Variants in RPL18A observed in about 807,000 individuals in gnomAD.
RPL18A encodes the protein ribosomal protein L18a.
For missense variants in RPL18A, 163 were observed against 254.1 expected, an observed-to-expected ratio of 0.64 and a Z score of 2.44; for synonymous variants, 122 against 96.9, an observed-to-expected ratio of 1.26 and a Z score of -1.52.
chr19:17,862,728 C>G, intron 3 of RPL18A, 190 bp from the exon 4 acceptor site: 1 of 763,038 alleles, frequency 1.3e-6, no homozygotes, highest in East Asian at 2.4e-5. Context: ...ACTCTAGTGG[C>G]CAGTGACTGC....
rs756966956 is a variant in RPL18A, at chr19:17,861,278, C to T, written c.19-15C>T. The T allele has an allele frequency of 6.2e-7, 1 of 1,613,458 alleles. No homozygotes were observed. Among genetic ancestry groups the T allele is most frequent in the African/African-American group, 1.3e-5 (1 of 75,042 alleles). On this transcript the variant is annotated splice_polypyrimidine_tract_variant and intron_variant, in intron 1 of 4. Transcript: ENST00000222247. ...TCTGGGTGCTGGCCTTACCCTCACT[C>T]CTGTTTCCTTTCAGCTACGAGAGTA...
intron 3 of RPL18A, 136 bp downstream of exon 3, chr19:17,862,359 C>G: frequency 9.2e-7 from 1 of 1,085,462 alleles, no homozygotes; most frequent in Non-Finnish European, 1.3e-6. Context: ...AAAAGGATGC[C>G]CCAGGCCCCA....
intron 2 of RPL18A, 160 bp downstream of exon 2, chr19:17,861,632 G>T: frequency 1.6e-6 from 1 of 640,160 alleles, no homozygotes; most frequent in South Asian, 2.0e-5. Context: ...TTTCTGCCTG[G>T]GTCACGGGAC....
At chr19:17,860,390 AC>A (rs2094275058) in intron 1 of RPL18A, 1 of 208,926 alleles carries the variant, frequency 4.8e-6, no homozygotes, top group Non-Finnish European at 9.6e-6. Flanking sequence ...GTGAGCCGAA[AC>A]GGGGAGCGTG....
rs1381602801 is a variant in RPL18A at position 17,861,498 on chromosome 19, G to T, written c.198+26G>T. 5.2e-6 allele frequency: 8 copies of T among 1,539,210 alleles called. No individual in the cohort carries two copies. The Admixed American group carries it at 7.7e-5, about 15-fold the overall frequency. On this transcript the variant is annotated intron_variant, in intron 2 of 4. Coordinates refer to ENST00000222247, the MANE Select transcript of RPL18A (RefSeq NM_000980.4). ...GTATGGAGAGGCCGGGGCTACGTGG[G>T]GTCTGGAGTGGATTTGCGCCTCTTG... is the stretch of plus-strand genomic sequence containing the variant.
At chr19:17,863,115 C>T in intron 4 of RPL18A, 56 bp from the exon 5 acceptor site, 1 of 1,545,742 alleles carries the variant, frequency 6.5e-7, no homozygotes, top group Non-Finnish European at 8.9e-7. Context: ...GGTGGCCCCA[C>T]AGGATGGGGT....
In RPL18A at chr19:17,859,918, C is replaced by G. The variant is rs747378736; in HGVS notation, c.-39C>G. 22 of 1,543,346 alleles carry G rather than the reference C, an allele frequency of 1.4e-5. 1 individual carries two copies. The South Asian group carries it at 2.6e-4, about 19-fold the overall frequency. ...GTGAACGGCTGCGCGACAGAGGACA[C>G]TTCCTTTTGCGGGTGGCGGCGAACG... On this transcript the variant is annotated 5_prime_UTR_variant, in exon 1 of 5. Transcript: ENST00000222247.
At chr19:17,862,787 TGAGCCCC>T in intron 3 of RPL18A, 124 bp from the exon 4 acceptor site, 1 of 767,242 alleles carries the variant, frequency 1.3e-6, no homozygotes, top group South Asian at 1.4e-5. Context: ...CACCTTCCCG[TGAGCCCC>T]GAGCCCTCAG....
chr19:17,863,002 G>C lies in RPL18A; in HGVS notation c.413G>C (p.Arg138Pro). Residue 138 changes from arginine (R) to proline (P), a missense_variant, in exon 4 of 5, where the codon CGC (arginine) becomes CCC (proline). Coordinates refer to ENST00000222247, the MANE Select transcript of RPL18A (RefSeq NM_000980.4). ...KVEEIAASKCRRPAVKQFHDS... is the reference protein window; with the variant it reads ...KVEEIAASKCPRPAVKQFHDS... ...GAGGAGATCGCGGCCAGCAAGTGCC[G>C]CCGGCCGGCTGTCAAGCAGTTCCAC... 1 of 1,611,760 alleles carries C rather than the reference G, an allele frequency of 6.2e-7. No homozygotes were observed. Among genetic ancestry groups the C allele is most frequent in the Non-Finnish European group, 8.5e-7 (1 of 1,178,908 alleles).
rs376844639 is a variant in RPL18A at position 17,861,485 on chromosome 19, C to T, written c.198+13C>T. On this transcript the variant is annotated intron_variant, in intron 2 of 4. Transcript: ENST00000222247. ...CTACTGTGGGCAGGTATGGAGAGGC[C>T]GGGGCTACGTGGGGTCTGGAGTGGA... 2.7e-5 allele frequency: 42 copies of T among 1,568,266 alleles called. No individual in the cohort carries two copies. The highest frequency in any genetic ancestry group is 2.2e-4 in the African/African-American group (16 of 74,098).
At chr19:17,861,740 C>G in intron 2 of RPL18A, 1 of 555,168 alleles carries the variant, frequency 1.8e-6, no homozygotes, top group East Asian at 3.1e-5. Context: ...TGCTGTCTTC[C>G]CTGGGCCCTG....
chr19:17,860,539 C>G (rs906378646), intron 1 of RPL18A, among the ~76,000 whole-genome samples: 2 of 152,212 alleles, frequency 1.3e-5, no homozygotes, highest in Non-Finnish European at 1.5e-5. Context: ...AAGGGGCGGG[C>G]CCCATTGTTC....
Position 17,862,923 on chromosome 19 carries a change from G to T in RPL18A, c.334G>T (p.Asp112Tyr). ...GGCCCCGCTCCTTTCCACAGACCGA[G>T]ACATGGGTGCCCGGCACCGCGCCCG... ...TAGAVTQCYR[D>Y]MGARHRARAH... Residue 112 changes from aspartate to tyrosine, a missense_variant, in exon 4 of 5, where the codon GAC becomes TAC. Transcript: ENST00000222247. The T allele has an allele frequency of 6.2e-7, 1 of 1,610,890 alleles. No individual in the cohort carries two copies.
chr19:17,861,752 C>T (rs1397354967), intron 2 of RPL18A: 2 of 548,380 alleles, frequency 3.6e-6, no homozygotes, highest in Non-Finnish European at 6.5e-6. Flanking sequence ...TGGGCCCTGT[C>T]TGTTAAGTGA....
At chr19:17,860,524 T>C (rs899876377) in intron 1 of RPL18A, among the ~76,000 whole-genome samples, 1 of 152,206 alleles carries the variant, frequency 6.6e-6, no homozygotes, top group Non-Finnish European at 1.5e-5. Flanking sequence ...GTTTCCTTGC[T>C]GTCAAAGGGG....
chr19:17,862,604 A>G (rs768018080), intron 3 of RPL18A: 5 of 706,800 alleles, frequency 7.1e-6, no homozygotes, highest in Non-Finnish European at 1.0e-5. Context: ...CCTAAACCCA[A>G]GAATCACTGT....
rs372439823 is a variant in RPL18A, at chr19:17,862,658, A to G, written c.329-260A>G. On this transcript the variant is annotated intron_variant, in intron 3 of 4. Transcript: ENST00000222247. The stretch of plus-strand genomic sequence containing the variant: ...AAACAGAGGTGCAAACAGCAAGCGG[A>G]TCTTGTCGCCTTTGGGGGGCTGTGG... 5 of 745,010 alleles carry G rather than the reference A, an allele frequency of 6.7e-6. No individual in the cohort carries two copies. The African/African-American group carries it at 8.5e-5, about 13-fold the overall frequency. 46.1% of individuals were successfully genotyped at this position (745,010 alleles called of 1,614,324 possible).
In RPL18A at chr19:17,861,472, G is replaced by A; in HGVS notation, c.198G>A (p.Gln66=). The A allele has an allele frequency of 1.3e-6, 2 of 1,583,378 alleles. No individual in the cohort carries two copies. The highest frequency in any genetic ancestry group is 1.7e-6 in the Non-Finnish European group (2 of 1,160,824). ...CAGGGGAGATTGTCTACTGTGGGCA[G>A]GTATGGAGAGGCCGGGGCTACGTGG... ...KSSGEIVYCG[Q]VFEKSPLRVK... Residue 66 remains glutamine, a splice_region_variant and synonymous_variant, in exon 2 of 5, where the codon CAG becomes CAA. Transcript: ENST00000222247.
Position 17,860,085 on chromosome 19 carries a change from C to G in RPL18A, c.18+111C>G, listed in dbSNP as rs979142835. 9 of 975,038 alleles carry G rather than the reference C, an allele frequency of 9.2e-6. No individual in the cohort carries two copies. In the African/African-American group the frequency reaches 1.6e-4, roughly 17 times the overall value. The allele number at this position is 975,038 out of a possible 1,614,324, so 60.4% of individuals were successfully genotyped here. On this transcript the variant is annotated intron_variant, in intron 1 of 4. Transcript: ENST00000222247. ...GTGCCGCGCGCTTCTGTTTGGGCCC[C>G]CCTTGGCCGCGCGCCGCCTTCTCTT... is the stretch of plus-strand genomic sequence containing the variant.
Sources: allele counts gnomAD v4.1 joint callset (sites outside exome capture counted in the v4.1 genomes callset), GRCh38; gene constraint gnomAD v4.1.1; transcripts MANE v1.5; gene names NCBI Gene and HGNC (gene_info 2026-07-23, HGNC 2026-07-21).